The following FBLN2 variants were observed in gnomAD, a reference collection of about 807,000 sequenced individuals.
FBLN2 encodes fibulin 2.
FBLN2 carries 81 observed loss-of-function variants against 123.7 expected under a neutral mutation model. The observed-to-expected ratio is 0.65, with a 90% CI of 0.55 to 0.79. The LOEUF (loss-of-function observed/expected upper bound fraction) is 0.79. FBLN2 is among the 30% of genes least tolerant of loss of function. The pLI, the probability that FBLN2 is intolerant of heterozygous loss-of-function variation, is 0.00. For missense variants in FBLN2, 1,603 were observed against 1,681.3 expected (o/e 0.95, Z 0.81); for synonymous variants, 699 against 701.4 (o/e 1.00, Z 0.05).
In FBLN2 at chr3:13,560,926, G is replaced by A. The variant is rs145690246; in HGVS notation, c.-41-9389G>A. On this transcript the variant is annotated intron_variant, in intron 1 of 17. Transcript: ENST00000404922. Reference sequence around the variant, plus strand: ...ACTCCTGGGCTCCAGTAATCCTCCCGCCTCAGCCTCCCAAGTAGCTAGATA... The same window carrying A: ...ACTCCTGGGCTCCAGTAATCCTCCCACCTCAGCCTCCCAAGTAGCTAGATA... 5.1e-4 allele frequency among the ~76,000 whole-genome samples: 77 copies of A among 151,974 alleles called. No individual in the cohort carries two copies. In the East Asian group the frequency reaches 0.013, roughly 26 times the overall value.
In FBLN2 at chr3:13,626,497, T is replaced by G; in HGVS notation, c.2349T>G (p.Cys783Trp). 1 of 1,574,490 alleles carries G rather than the reference T, an allele frequency of 6.4e-7. No individual in the cohort carries two copies. Among genetic ancestry groups the G allele is most frequent in the Non-Finnish European group, 8.6e-7 (1 of 1,159,976 alleles). The change falls in exon 10 of 18, where the codon TGT becomes TGG. Residue 783 changes from cysteine to tryptophan, a missense_variant. Coordinates refer to ENST00000404922, the MANE Select transcript of FBLN2 (RefSeq NM_001004019.2). ...DLHTCSRGEH[C>W]VNTLGSFHCY... ...ACACGTGCAGCCGGGGCGAGCACTG[T>G]GTGAACACACTGGGCTCCTTCCACT... is the stretch of plus-strand genomic sequence containing the variant.
At chr3:13,626,126 C>T (rs74541700) in intron 9 of FBLN2, among the ~76,000 whole-genome samples, 6,325 of 152,272 alleles carry the variant, frequency 0.042, 182 homozygotes, top group African/African-American at 0.081. Context: ...CTCATCACCA[C>T]CTCCATTTAT....
chr3:13,622,018 ATGTGAGCTC>A (rs1705871374), intron 9 of FBLN2, 103 bp downstream of exon 9: 2 of 1,338,754 alleles, frequency 1.5e-6, no homozygotes, highest in Non-Finnish European at 2.0e-6. Context: ...TGCCCTTTGC[ATGTGAGCTC>A]TCAGCACAGC....
chr3:13,614,091 C>A lies in FBLN2; in HGVS notation c.1656C>A (p.Cys552Ter). The A allele has an allele frequency of 6.2e-7, 1 of 1,613,788 alleles. No individual in the cohort carries two copies. Among genetic ancestry groups the A allele is most frequent in the Non-Finnish European group, 8.5e-7 (1 of 1,179,886 alleles). The change falls in exon 5 of 18, where the codon TGC (cysteine) becomes TGA (stop). Residue 552 changes from cysteine to a stop codon, truncating the protein, a stop_gained. Transcript: ENST00000404922. LOFTEE classifies it high-confidence loss of function. ...GYPCNHVMLS[C>*]CEGEEPLIVP... is the part of the protein sequence containing the mutation. ...CCTGCAATCATGTCATGCTCTCCTG[C>A]TGTGAGGGTGAAGAGCCTCTCATAG...
Position 13,621,928 on chromosome 3 carries a change from C to A in FBLN2, c.2296+13C>A, listed in dbSNP as rs764606071. ...AGGAAGTGCGTGGGTAAGCCAGGGC[C>A]CCGCCTGCCGCCCGCCGTCACAGCT... On this transcript the variant is annotated intron_variant, in intron 9 of 17. Coordinates refer to ENST00000404922, the MANE Select transcript of FBLN2 (RefSeq NM_001004019.2). The A allele has an allele frequency of 6.2e-7, 1 of 1,607,664 alleles. No individual in the cohort carries two copies. Among genetic ancestry groups the A allele is most frequent in the Non-Finnish European group, 8.5e-7 (1 of 1,177,368 alleles).
Position 13,628,978 on chromosome 3 carries a change from C to A in FBLN2, c.2643C>A (p.Tyr881Ter). The A allele has an allele frequency of 6.2e-7, 1 of 1,613,632 alleles. No individual in the cohort carries two copies. Among genetic ancestry groups the A allele is most frequent in the Non-Finnish European group, 8.5e-7 (1 of 1,179,778 alleles). ...GFSCINTVGS[Y>*]TCQRNPLICA... ...GCTGCATCAACACGGTGGGCTCCTA[C>A]ACATGCCAGAGGAACCCGCTGATCT... The change falls in exon 12 of 18, where the codon TAC becomes TAA. Residue 881 changes from tyrosine to a stop codon, truncating the protein, a stop_gained. Coordinates refer to ENST00000404922, the MANE Select transcript of FBLN2 (RefSeq NM_001004019.2). LOFTEE classifies it high-confidence loss of function.
intron 2 of FBLN2, among the ~76,000 whole-genome samples, chr3:13,585,093 G>A (rs1419142114): frequency 6.6e-6 from 1 of 152,236 alleles, no homozygotes; most frequent in East Asian, 1.9e-4. Flanking sequence ...CCTGGAGCCT[G>A]GATGCAGGAG....
chr3:13,569,860 G>A (rs971679147), intron 1 of FBLN2, among the ~76,000 whole-genome samples: 1 of 152,118 alleles, frequency 6.6e-6, no homozygotes, highest in Non-Finnish European at 1.5e-5. Context: ...CGCCCAGGGT[G>A]TGTACTGGCA....
intron 2 of FBLN2, among the ~76,000 whole-genome samples, chr3:13,593,726 A>AAAAAC (rs1704751013): frequency 6.6e-6 from 1 of 151,830 alleles, no homozygotes; most frequent in South Asian, 2.1e-4. Context: ...AAAAAAAAAA[A>AAAAAC]AAAAAAGTGG....
At position 13,637,802 on chromosome 3, in the gene FBLN2, G is replaced by C; in HGVS notation, c.3579G>C (p.Arg1193=). ...NAYTGVVYLQ[R]AVLEPRDFAL... ...ACACGGGTGTGGTCTACCTGCAGCG[G>C]GCCGTGCTGGAGCCCCGGGACTTTG... Residue 1193 remains arginine, a synonymous_variant, in exon 18 of 18, where the codon CGG becomes CGC. Transcript: ENST00000404922. The C allele has an allele frequency of 6.2e-7, 1 of 1,613,862 alleles. No individual in the cohort carries two copies. Among genetic ancestry groups the C allele is most frequent in the Non-Finnish European group, 8.5e-7 (1 of 1,179,810 alleles).
intron 8 of FBLN2, 21 bp downstream of exon 8, chr3:13,619,852 T>G: frequency 6.3e-7 from 1 of 1,594,312 alleles, no homozygotes; most frequent in Non-Finnish European, 8.5e-7. Flanking sequence ...TGGGGTGCCC[T>G]CCTACCTGTG....
rs763687824 is a variant in FBLN2 at position 13,618,966 on chromosome 3, G to T, written c.2002G>T (p.Val668Leu). 32 of 1,613,138 alleles carry T rather than the reference G, an allele frequency of 2.0e-5. No homozygotes were observed. The highest frequency in any genetic ancestry group is 2.5e-5 in the Non-Finnish European group (30 of 1,179,712). ...TGCACTGAAGTCAGAATTTTCCCAG[G>T]TGGCCTCTAACACCATCCCGCTGCC... Reference protein sequence around the residue: ...EPALKSEFSQVASNTIPLPLP... With the variant: ...EPALKSEFSQLASNTIPLPLP... Residue 668 changes from valine (V) to leucine (L), a missense_variant, in exon 7 of 18, where the codon GTG (valine) becomes TTG (leucine). Transcript: ENST00000404922.
chr3:13,588,095 T>C (rs1258982846), intron 2 of FBLN2, among the ~76,000 whole-genome samples: 1 of 152,234 alleles, frequency 6.6e-6, no homozygotes, highest in East Asian at 1.9e-4. Flanking sequence ...TTTCTGGGCC[T>C]GCAGGCCCTA....
At chr3:13,567,192 G>A (rs1559400275) in intron 1 of FBLN2, among the ~76,000 whole-genome samples, 1 of 152,158 alleles carries the variant, frequency 6.6e-6, no homozygotes, top group African/African-American at 2.4e-5. Flanking sequence ...TGGTGGACCG[G>A]GTGGTGGGGC....
Position 13,638,204 on chromosome 3 carries a change from G to A in FBLN2, c.*285G>A, listed in dbSNP as rs941810415. Reference sequence around the variant, plus strand: ...GTGATGACCTGAGGACCAGAGACACGCGACCATGTTGGGGCTCTTGGACTC... The same window carrying A: ...GTGATGACCTGAGGACCAGAGACACACGACCATGTTGGGGCTCTTGGACTC... On this transcript the variant is annotated 3_prime_UTR_variant, in exon 18 of 18. Transcript: ENST00000404922. 16 of 619,876 alleles carry A rather than the reference G, an allele frequency of 2.6e-5. No individual in the cohort carries two copies. Among genetic ancestry groups the A allele is most frequent in the African/African-American group, 1.5e-4 (8 of 54,472 alleles). The allele number at this position is 619,876 out of a possible 1,614,324, so 38.4% of individuals were successfully genotyped here. A position where few individuals can be genotyped will look rare whatever the true frequency, so the allele number is the denominator to read the frequency against.
At chr3:13,631,522 A>C in intron 16 of FBLN2, 65 bp downstream of exon 16, 1 of 1,511,756 alleles carries the variant, frequency 6.6e-7, no homozygotes, top group South Asian at 1.3e-5. Context: ...AAGCAGGCAC[A>C]GAAAAGCTCA....
intron 2 of FBLN2, among the ~76,000 whole-genome samples, chr3:13,590,108 T>G (rs1229784347): frequency 6.6e-6 from 1 of 152,188 alleles, no homozygotes; most frequent in Non-Finnish European, 1.5e-5. Flanking sequence ...CTTTCTCAGT[T>G]CTTAACCCCA....
At position 13,638,329 on chromosome 3, in the gene FBLN2, C is replaced by T. The variant is rs7820; in HGVS notation, c.*410C>T. 289,612 of 412,674 alleles carry T rather than the reference C, an allele frequency of 0.7. 104,704 individuals carry two copies. Among genetic ancestry groups the T allele is most frequent in the African/African-American group, 0.93 (43,857 of 46,982 alleles). 25.6% of individuals were successfully genotyped at this position (412,674 alleles called of 1,614,324 possible). On this transcript the variant is annotated 3_prime_UTR_variant, in exon 18 of 18. Transcript: ENST00000404922. The stretch of plus-strand genomic sequence containing the variant: ...AATCATTTTAAAGTTTTTTGTTTAA[C>T]TATAAAGTAGTACATGTACATTATA...
intron 5 of FBLN2, 25 bp downstream of exon 5, chr3:13,614,189 CG>C: frequency 6.2e-7 from 1 of 1,602,698 alleles, no homozygotes; most frequent in Non-Finnish European, 8.5e-7. Context: ...TCCCTGGCTG[CG>C]GCATATAGGG....
Sources: allele counts gnomAD v4.1 joint callset (sites outside exome capture counted in the v4.1 genomes callset), GRCh38; gene constraint gnomAD v4.1.1; transcripts MANE v1.5; gene names NCBI Gene and HGNC (gene_info 2026-07-23, HGNC 2026-07-21).